KCNQ5: variants seen among roughly 807,000 people sequenced by gnomAD.
The protein encoded by KCNQ5 is potassium voltage-gated channel subfamily KQT member 5.
A neutral mutation model predicts 98.2 loss-of-function variants in KCNQ5; 30 were observed. The ratio of observed to expected loss-of-function variants is 0.31; its 90% CI spans 0.23 to 0.41. KCNQ5 has a LOEUF of 0.41. Ranked by LOEUF, KCNQ5 falls within the 10% of genes least tolerant of loss-of-function variation. The probability of loss-of-function intolerance (pLI) is 1.00; values close to 1 mark genes in which losing one functional copy is unlikely to be tolerated. For missense variants in KCNQ5, 835 were observed against 1,182.5 expected (o/e 0.71, Z 4.31); for synonymous variants, 458 against 449.4 (o/e 1.02, Z -0.24).
chr6:72,906,745 G>A (rs1378813350), intron 1 of KCNQ5, among the ~76,000 whole-genome samples: 2 of 152,188 alleles, frequency 1.3e-5, no homozygotes, highest in African/African-American at 4.8e-5. Context: ...CACGGTATTT[G>A]GGGTGTCTTC....
chr6:73,153,048 T>C (rs1240905370), intron 10 of KCNQ5, among the ~76,000 whole-genome samples: 1 of 152,202 alleles, frequency 6.6e-6, no homozygotes, highest in East Asian at 1.9e-4. Context: ...GAGAGGACCA[T>C]ATGCCCAGGA....
intron 2 of KCNQ5, among the ~76,000 whole-genome samples, chr6:73,035,769 G>T (rs973202811): frequency 5.3e-5 from 8 of 152,140 alleles, no homozygotes; most frequent in Non-Finnish European, 1.5e-5. Context: ...TGTCTAGATT[G>T]CTGGCAATGG....
intron 3 of KCNQ5, among the ~76,000 whole-genome samples, chr6:73,061,856 A>G (rs1327090277): frequency 6.6e-6 from 1 of 152,162 alleles, no homozygotes; most frequent in Non-Finnish European, 1.5e-5. Context: ...CATAAAAGTG[A>G]TGTGTTCAGT....
chr6:72,741,176 A>G (rs1257796696), intron 1 of KCNQ5, among the ~76,000 whole-genome samples: 1 of 152,244 alleles, frequency 6.6e-6, no homozygotes, highest in Non-Finnish European at 1.5e-5. Context: ...TTTGATTGGC[A>G]TGAGCTTGAA....
chr6:72,879,171 T>C (rs1778537426), intron 1 of KCNQ5, among the ~76,000 whole-genome samples: 1 of 152,204 alleles, frequency 6.6e-6, no homozygotes, highest in Admixed American at 6.5e-5. Flanking sequence ...TGCTCACTTT[T>C]AATTTTACTA....
chr6:72,752,232 A>C (rs1015412712), intron 1 of KCNQ5, among the ~76,000 whole-genome samples: 3 of 152,116 alleles, frequency 2.0e-5, no homozygotes, highest in Non-Finnish European at 2.9e-5. Context: ...ACAGGTGCAA[A>C]ACGTTAGTTA....
chr6:72,837,519 C>T (rs912868935), intron 1 of KCNQ5, among the ~76,000 whole-genome samples: 17 of 152,050 alleles, frequency 1.1e-4, no homozygotes, highest in African/African-American at 4.1e-4. Flanking sequence ...GAATATTGAC[C>T]TTTCAGTCTC....
intron 6 of KCNQ5, among the ~76,000 whole-genome samples, chr6:73,107,691 CTAAG>C (rs749813027): frequency 2.6e-5 from 4 of 152,210 alleles, no homozygotes; most frequent in Admixed American, 6.5e-5. Flanking sequence ...AGGTCAGAGA[CTAAG>C]TAGTCATTCT....
chr6:72,914,658 A>G (rs1780061527), intron 1 of KCNQ5, among the ~76,000 whole-genome samples: 1 of 151,570 alleles, frequency 6.6e-6, no homozygotes, highest in Non-Finnish European at 1.5e-5. Flanking sequence ...GAAAACTCCC[A>G]TTGCTATGAC....
At chr6:72,980,248 A>G (rs539717834) in intron 1 of KCNQ5, among the ~76,000 whole-genome samples, 4 of 152,192 alleles carry the variant, frequency 2.6e-5, no homozygotes, top group Non-Finnish European at 4.4e-5. Context: ...ATGGCATTGA[A>G]TCTATAAATT....
chr6:72,671,565 C>G (rs968530833), intron 1 of KCNQ5, among the ~76,000 whole-genome samples: 5 of 152,104 alleles, frequency 3.3e-5, no homozygotes, highest in Non-Finnish European at 7.4e-5. Context: ...TGTGCTGCCT[C>G]TTGGGCTTAA....
At chr6:72,859,742 G>T (rs2840798) in intron 1 of KCNQ5, among the ~76,000 whole-genome samples, 1 of 152,008 alleles carries the variant, frequency 6.6e-6, no homozygotes, top group South Asian at 2.1e-4. Flanking sequence ...CCACCACTCC[G>T]GGATAATTTT....
chr6:73,146,526 G>A (rs112629319), intron 10 of KCNQ5, among the ~76,000 whole-genome samples: 14,904 of 149,072 alleles, frequency 0.1, 2,354 homozygotes, highest in African/African-American at 0.34. Context: ...TTGGGAGGCT[G>A]AGAAATGGGA....
intron 10 of KCNQ5, among the ~76,000 whole-genome samples, chr6:73,167,516 A>G (rs1171867577): frequency 6.6e-6 from 1 of 152,232 alleles, no homozygotes; most frequent in East Asian, 1.9e-4. Flanking sequence ...ACCCTCTCCA[A>G]GCCTTAATTT....
At chr6:72,697,489 T>C (rs1020945249) in intron 1 of KCNQ5, among the ~76,000 whole-genome samples, 5 of 152,264 alleles carry the variant, frequency 3.3e-5, no homozygotes, top group South Asian at 2.1e-4. Context: ...CCTTAAACTA[T>C]ATACAGTGAA....
At chr6:72,865,927 C>A (rs1264820983) in intron 1 of KCNQ5, among the ~76,000 whole-genome samples, 1 of 152,178 alleles carries the variant, frequency 6.6e-6, no homozygotes, top group Non-Finnish European at 1.5e-5. Flanking sequence ...CTTCCTGGAA[C>A]CATACTGCCT....
intron 2 of KCNQ5, among the ~76,000 whole-genome samples, chr6:73,008,882 C>T (rs1299351164): frequency 6.6e-6 from 1 of 152,122 alleles, no homozygotes; most frequent in Non-Finnish European, 1.5e-5. Flanking sequence ...GGATACCACA[C>T]AAAGATGGAT....
chr6:72,981,814 C>G (rs1022608242), intron 1 of KCNQ5, among the ~76,000 whole-genome samples: 10 of 152,224 alleles, frequency 6.6e-5, no homozygotes, highest in Admixed American at 4.6e-4. Flanking sequence ...AAATTTCCCT[C>G]TACACACTGC....
intron 1 of KCNQ5, among the ~76,000 whole-genome samples, chr6:72,696,722 A>G (rs868032870): frequency 1.3e-5 from 2 of 152,198 alleles, no homozygotes; most frequent in South Asian, 4.1e-4. Context: ...ATTTTTTTAA[A>G]TAGAGGCATA....
Sources: allele counts gnomAD v4.1 joint callset (sites outside exome capture counted in the v4.1 genomes callset), GRCh38; gene constraint gnomAD v4.1.1; transcripts MANE v1.5; gene names NCBI Gene and HGNC (gene_info 2026-07-23, HGNC 2026-07-21).